KEAP1: variants seen among roughly 807,000 people sequenced by gnomAD.
KEAP1 encodes the protein kelch like ECH associated protein 1, also known as kelch-like ECH-associated protein 1.
A neutral mutation model predicts 59.7 loss-of-function variants in KEAP1; 26 were observed. The ratio of observed to expected loss-of-function variants is 0.44; its 90% confidence interval spans 0.32 to 0.60. The LOEUF is 0.60. Among genes scored for constraint, KEAP1 ranks in the 20% least tolerant of loss-of-function variants. KEAP1 has a pLI of 0.06. For missense variants in KEAP1, 539 were observed against 871.4 expected, an observed-to-expected ratio of 0.62 and a Z score of 4.80; for synonymous variants, 350 against 358.3, an observed-to-expected ratio of 0.98 and a Z score of 0.26.
chr19:10,491,841 C>A lies in KEAP1; in HGVS notation c.1061G>T (p.Arg354Leu), dbSNP rs780969499. 1.2e-6 allele frequency: 2 copies of A among 1,608,984 alleles called. No individual in the cohort carries two copies. The highest frequency in any genetic ancestry group is 1.3e-5 in the African/African-American group (1 of 74,866). The change falls in exon 3 of 6, where the codon CGG (arginine) becomes CTG (leucine). Residue 354 changes from arginine (R) to leucine (L), a missense_variant. Coordinates refer to ENST00000171111, the MANE Select transcript of KEAP1 (RefSeq NM_203500.2). The surrounding 1 kb of genome is among the most constrained non-coding windows in gnomAD (Gnocchi z 5.2). ...CCGCGGCACCTGCAGGTCCGCCAAC[C>A]GGAGCCAGGTGCCGTCACTGGGGTT... is the stretch of plus-strand genomic sequence containing the variant. The part of the protein sequence containing the change: ...AYNPSDGTWL[R>L]LADLQVPRSG...
chr19:10,496,516 A>G (rs535977897), intron 2 of KEAP1, among the ~76,000 whole-genome samples: 107 of 146,238 alleles, frequency 7.3e-4, no homozygotes, highest in South Asian at 2.8e-3. Flanking sequence ...AAAAAAAAAA[A>G]GGGGGCTTGG....
In KEAP1 at chr19:10,486,672, G is replaced by A. The variant is rs2144577387; in HGVS notation, c.1855C>T (p.Gln619Ter). 6.2e-7 allele frequency: 1 copy of A among 1,614,076 alleles called. No individual in the cohort carries two copies. The highest frequency in any genetic ancestry group is 8.5e-7 in the Non-Finnish European group (1 of 1,180,002). ...TMEPCRKQID[Q>*]QNCTC ...GTGCCTCAACAGGTACAGTTCTGCT[G>A]GTCAATCTGCTTCCGGCAGGGCTCC... The change falls in exon 6 of 6, where the codon CAG (glutamine) becomes TAG (stop). Residue 619 changes from glutamine to a stop codon, truncating the protein, a stop_gained. Coordinates refer to ENST00000171111, the MANE Select transcript of KEAP1 (RefSeq NM_203500.2). LOFTEE classifies it high-confidence loss of function.
intron 2 of KEAP1, chr19:10,492,574 CG>C (rs1914711287): frequency 3.3e-6 from 1 of 304,234 alleles, no homozygotes; most frequent in Admixed American, 4.8e-5. Context: ...AAAAATTACC[CG>C]GGTGTGGTGG....
rs1186163503 is a variant in KEAP1 at position 10,499,726 on chromosome 19, G to A, written c.308C>T (p.Ser103Phe). The A allele has an allele frequency of 6.2e-7, 1 of 1,614,170 alleles. No homozygotes were observed. Among genetic ancestry groups the A allele is most frequent in the Non-Finnish European group, 8.5e-7 (1 of 1,180,040 alleles). The part of the protein sequence containing the change: ...FMAHKVVLAS[S>F]SPVFKAMFTN... ...GAACATGGCCTTGAAGACAGGGCTG[G>A]ATGAGGCCAGCACCACCTTGTGGGC... Residue 103 changes from serine (S) to phenylalanine (F), a missense_variant, in exon 2 of 6, where the codon TCC becomes TTC. This residue lies in a region of KEAP1 where 166 missense variants were observed against 295.8 expected (regional missense o/e 0.56). Transcript: ENST00000171111. The surrounding 1 kb of genome is among the most constrained non-coding windows in gnomAD (Gnocchi z 6.7).
chr19:10,489,586 G>C (rs376417996), intron 4 of KEAP1, 62 bp downstream of exon 4: 2 of 1,579,034 alleles, frequency 1.3e-6, no homozygotes, highest in South Asian at 1.1e-5. Context: ...GCCTGGCTCA[G>C]TTTCACCCCA....
At chr19:10,494,318 C>A (rs951234475) in intron 2 of KEAP1, among the ~76,000 whole-genome samples, 4 of 148,694 alleles carry the variant, frequency 2.7e-5, no homozygotes, top group Non-Finnish European at 5.9e-5. Flanking sequence ...ATCACCATAC[C>A]TGGCTTGGCT....
rs140546146 is a variant in KEAP1 at position 10,491,786 on chromosome 19, C to T, written c.1116G>A (p.Gly372=). The T allele has an allele frequency of 4.9e-5, 78 of 1,585,298 alleles. 1 individual carries two copies. The highest frequency in any genetic ancestry group is 3.3e-4 in the East Asian group (14 of 43,060). The change falls in exon 3 of 6, where the codon GGG becomes GGA. Residue 372 remains glycine (G), a synonymous_variant. Transcript: ENST00000171111. This position sits in a 1 kb window ranked among gnomAD's most constrained non-coding sequence, Gnocchi z 5.2. ...TCCTGCCGCCCACGGCGTACAACAG[C>T]CCGCCCACCACGCAGCCGGCCAGGC... ...RSGLAGCVVG[G]LLYAVGGRNN...
chr19:10,489,195 G>A lies in KEAP1; in HGVS notation c.1705C>T (p.Leu569Phe), dbSNP rs1433112931. ...TTCCCCGCCCCCAGGGCCTCACCAA[G>A]GACGTAGATTCTCCCCTGGTGGACA... The part of the protein sequence containing the change: ...ITVHQGRIYV[L>F]GGYDGHTFLD... Residue 569 changes from leucine to phenylalanine, a missense_variant, in exon 5 of 6, where the codon CTT becomes TTT. Physicochemically the swap from Leu to Phe is conservative, Grantham distance 22 (BLOSUM62 0). Transcript: ENST00000171111. The A allele has an allele frequency of 6.2e-7, 1 of 1,611,072 alleles. No individual in the cohort carries two copies. The highest frequency in any genetic ancestry group is 1.1e-5 in the South Asian group (1 of 90,958).
chr19:10,498,287 C>T (rs547748447), intron 2 of KEAP1, among the ~76,000 whole-genome samples: 5 of 151,378 alleles, frequency 3.3e-5, no homozygotes, highest in Non-Finnish European at 7.4e-5. Context: ...GCAACCTCCA[C>T]CTCCCCGGTT....
At chr19:10,493,725 C>T (rs1219337466) in intron 2 of KEAP1, among the ~76,000 whole-genome samples, 1 of 151,460 alleles carries the variant, frequency 6.6e-6, no homozygotes, top group Non-Finnish European at 1.5e-5. Context: ...CCGTGCCTGG[C>T]TAATATTTTT....
rs944911830 is a variant in KEAP1 at position 10,486,293 on chromosome 19, T to G, written c.*359A>C. 2.0e-5 allele frequency: 5 copies of G among 256,300 alleles called. No individual in the cohort carries two copies. Among genetic ancestry groups the G allele is most frequent in the African/African-American group, 1.1e-4 (5 of 45,888 alleles). The allele number at this position is 256,300 out of a possible 1,614,324, so 15.9% of individuals were successfully genotyped here. ...GGGGGCCTCCCCCTGAGGCCCCCAT[T>G]GGCCCCCTCCCAGGTATCCAAGAAT... On this transcript the variant is annotated 3_prime_UTR_variant, in exon 6 of 6. Transcript: ENST00000171111.
Position 10,486,421 on chromosome 19 carries a change from AC to A in KEAP1, c.*230del. The A allele has an allele frequency of 2.0e-6, 1 of 504,606 alleles. No individual in the cohort carries two copies. The highest frequency in any genetic ancestry group is 3.5e-6 in the Non-Finnish European group (1 of 283,312). The allele number at this position is 504,606 out of a possible 1,614,324, so 31.3% of individuals were successfully genotyped here. ...TCTCCTGGAAGCCTGCTCTTTCCACACCCCCTTTCCCAGCCAGGCTGTCTTG... is the reference window on the plus strand; with the variant it reads ...TCTCCTGGAAGCCTGCTCTTTCCACACCCCTTTCCCAGCCAGGCTGTCTTG... On this transcript the variant is annotated 3_prime_UTR_variant, in exon 6 of 6. Transcript: ENST00000171111.
intron 2 of KEAP1, 67 bp from the exon 3 acceptor site, chr19:10,492,329 G>A (rs1914703772): frequency 8.0e-7 from 1 of 1,251,486 alleles, no homozygotes; most frequent in Non-Finnish European, 1.1e-6. Context: ...AGCAGGACCG[G>A]GACAAGTAAC....
At position 10,487,759 on chromosome 19, in the gene KEAP1, G is replaced by T. The variant is rs562523028; in HGVS notation, c.1709-941C>A. Among the ~76,000 whole-genome samples, 10 of 152,218 alleles carry T rather than the reference G, an allele frequency of 6.6e-5. No individual in the cohort carries two copies. The South Asian group carries it at 2.1e-3, about 32-fold the overall frequency. ...GCCTGTAATCCCAGGACTTTCGGAG[G>T]CTGAGGCAGGTGGATCACCTGAGGT... is the stretch of plus-strand genomic sequence containing the variant. On this transcript the variant is annotated intron_variant, in intron 5 of 5. Coordinates refer to ENST00000171111, the MANE Select transcript of KEAP1 (RefSeq NM_203500.2).
chr19:10,497,123 CAA>C (rs34492223), intron 2 of KEAP1, among the ~76,000 whole-genome samples: 42 of 99,068 alleles, frequency 4.2e-4, no homozygotes, highest in Non-Finnish European at 3.1e-4. Context: ...GACTCCGTCT[CAA>C]AAAAAAAAAA....
In KEAP1 at chr19:10,491,961, G is replaced by C. The variant is rs777523734; in HGVS notation, c.941C>G (p.Thr314Arg). ...GGGCGCCCGGCAGGGCATCACCTGC[G>C]TGGGCTTGTGCAGGGTGAGCTCCTC... ...IFEELTLHKP[T>R]QVMPCRAPKV... Residue 314 changes from threonine (T) to arginine (R), a missense_variant, in exon 3 of 6, where the codon ACG (threonine) becomes AGG (arginine). By Grantham distance (71) the Thr-to-Arg change is moderately conservative. Transcript: ENST00000171111. The surrounding 1 kb of genome is among the most constrained non-coding windows in gnomAD (Gnocchi z 5.2). 1.2e-6 allele frequency: 2 copies of C among 1,614,044 alleles called. No homozygotes were observed. The highest frequency in any genetic ancestry group is 1.7e-6 in the Non-Finnish European group (2 of 1,180,024).
intron 3 of KEAP1, among the ~76,000 whole-genome samples, chr19:10,490,126 C>T (rs774861210): frequency 1.3e-5 from 2 of 151,956 alleles, no homozygotes; most frequent in Non-Finnish European, 2.9e-5. Context: ...ATGGCAGATG[C>T]CTGTAATCCC....
intron 5 of KEAP1, among the ~76,000 whole-genome samples, chr19:10,488,570 C>G (rs1480059891): frequency 2.6e-5 from 4 of 151,524 alleles, no homozygotes; most frequent in African/African-American, 9.7e-5. Flanking sequence ...TGAGATCGTG[C>G]CATTGCACTC....
At chr19:10,501,756 A>G (rs979862927) in intron 1 of KEAP1, among the ~76,000 whole-genome samples, 1 of 152,080 alleles carries the variant, frequency 6.6e-6, no homozygotes, top group Non-Finnish European at 1.5e-5. Flanking sequence ...CATGTTGGCC[A>G]GGGTGGTCTC....
Sources: gnomAD v4.1 joint callset for allele counts (sites outside exome capture counted in the v4.1 genomes callset) on GRCh38, gnomAD v4.1.1 for gene constraint, gnomAD v4.1.1 regional missense constraint, Gnocchi (gnomAD v3.1) non-coding constraint, MANE v1.5 for transcripts, NCBI Gene and HGNC (gene_info 2026-07-23, HGNC 2026-07-21) for gene names.